Variants in GOLIM4 observed in about 807,000 individuals in gnomAD.
The protein encoded by GOLIM4 is golgi integral membrane protein 4.
In GOLIM4, 71 loss-of-function variants were observed where a neutral mutation model predicts 107.4. The ratio of observed to expected loss-of-function variants is 0.66; its 90% CI spans 0.55 to 0.81. The LOEUF is 0.81. GOLIM4 is among the 30% of genes least tolerant of loss of function. The pLI, the probability that GOLIM4 is intolerant of heterozygous loss-of-function variation, is 0.00. For missense variants in GOLIM4, 830 were observed against 826.1 expected (o/e 1.00, Z -0.06); for synonymous variants, 327 against 294.8 (o/e 1.11, Z -1.12).
chr3:168,069,509 A>C (rs1720732282), intron 1 of GOLIM4, among the ~76,000 whole-genome samples: 1 of 152,216 alleles, frequency 6.6e-6, no homozygotes, highest in African/African-American at 2.4e-5. Flanking sequence ...TCTAGGAAAA[A>C]AATTAGCAGA....
chr3:168,025,910 T>C (rs1717970342), intron 12 of GOLIM4, among the ~76,000 whole-genome samples: 1 of 152,212 alleles, frequency 6.6e-6, no homozygotes, highest in Admixed American at 6.5e-5. Flanking sequence ...AATAAAGATT[T>C]AGATTTTAGA....
In GOLIM4 at chr3:168,010,216, G is replaced by C. The variant is rs943334244; in HGVS notation, c.*53C>G. 4.6e-6 allele frequency: 7 copies of C among 1,521,646 alleles called. No individual in the cohort carries two copies. In the African/African-American group the frequency reaches 8.3e-5, roughly 18 times the overall value. The allele number at this position is 1,521,646 out of a possible 1,614,324, so 94.3% of individuals were successfully genotyped here. On this transcript the variant is annotated 3_prime_UTR_variant, in exon 16 of 16. Coordinates refer to ENST00000470487, the MANE Select transcript of GOLIM4 (RefSeq NM_014498.5). ...GAGTTCAGTAGGCAGATTTATGTTTGAGCAGCTTGAAAAGAATCCGTTGGC... is the reference window on the plus strand; with the variant it reads ...GAGTTCAGTAGGCAGATTTATGTTTCAGCAGCTTGAAAAGAATCCGTTGGC...
At chr3:168,067,239 C>G (rs1720597501) in intron 1 of GOLIM4, among the ~76,000 whole-genome samples, 1 of 151,938 alleles carries the variant, frequency 6.6e-6, no homozygotes, top group Non-Finnish European at 1.5e-5. Flanking sequence ...GGAATAAAAA[C>G]TACCATACTT....
intron 11 of GOLIM4, 57 bp downstream of exon 11, chr3:168,029,166 T>C: frequency 9.2e-7 from 1 of 1,091,900 alleles, no homozygotes; most frequent in Admixed American, 1.7e-5. Context: ...TCACTGATAA[T>C]ATACAATGTT....
intron 1 of GOLIM4, among the ~76,000 whole-genome samples, chr3:168,049,922 C>T (rs1719518142): frequency 6.6e-6 from 1 of 152,166 alleles, no homozygotes; most frequent in South Asian, 2.1e-4. Context: ...ACGATAGACC[C>T]TACCTCTATT....
chr3:168,087,236 A>G (rs565864700), intron 1 of GOLIM4, among the ~76,000 whole-genome samples: 1 of 152,336 alleles, frequency 6.6e-6, no homozygotes, highest in South Asian at 2.1e-4. Flanking sequence ...AATCTGATTT[A>G]CATAGCATTA....
chr3:168,089,320 C>G (rs1014293919), intron 1 of GOLIM4, among the ~76,000 whole-genome samples: 2 of 152,208 alleles, frequency 1.3e-5, no homozygotes, highest in Non-Finnish European at 2.9e-5. Flanking sequence ...TAACGCTGCA[C>G]TTGAAAATTA....
intron 9 of GOLIM4, among the ~76,000 whole-genome samples, chr3:168,031,920 A>G (rs1718357170): frequency 1.3e-5 from 2 of 152,224 alleles, no homozygotes; most frequent in South Asian, 4.1e-4. Context: ...AGCATCATTT[A>G]TAATAATCCT....
intron 1 of GOLIM4, among the ~76,000 whole-genome samples, chr3:168,056,912 G>C (rs1474240879): frequency 3.3e-5 from 5 of 152,146 alleles, no homozygotes; most frequent in African/African-American, 1.2e-4. Flanking sequence ...ATAAGACTTT[G>C]GGGGACTGTC....
At chr3:168,073,932 TA>T (rs1262307976) in intron 1 of GOLIM4, among the ~76,000 whole-genome samples, 1 of 152,102 alleles carries the variant, frequency 6.6e-6, no homozygotes, top group Non-Finnish European at 1.5e-5. Context: ...CATGGTACCA[TA>T]ATGGGGCTGG....
chr3:168,040,111 C>T (rs533451761), intron 7 of GOLIM4, among the ~76,000 whole-genome samples: 1 of 152,112 alleles, frequency 6.6e-6, no homozygotes, highest in Non-Finnish European at 1.5e-5. Flanking sequence ...CTAAACTAGC[C>T]ATTCCTGTTT....
At chr3:168,042,295 ATGCCCCAGCAATGCAG>A (rs991925914) in intron 5 of GOLIM4, among the ~76,000 whole-genome samples, 2 of 151,888 alleles carry the variant, frequency 1.3e-5, no homozygotes, top group Non-Finnish European at 2.9e-5. Context: ...GTGCAGTGCA[ATGCCCCAGCAATGCAG>A]TGCCCCAGCA....
intron 14 of GOLIM4, among the ~76,000 whole-genome samples, chr3:168,016,328 A>C (rs1360010839): frequency 7.4e-6 from 1 of 134,518 alleles, no homozygotes; most frequent in Non-Finnish European, 1.5e-5. Context: ...AATGCAAATC[A>C]AAACCACAAT....
intron 1 of GOLIM4, among the ~76,000 whole-genome samples, chr3:168,076,354 T>G (rs1721083787): frequency 6.6e-6 from 1 of 152,212 alleles, no homozygotes; most frequent in Admixed American, 6.5e-5. Flanking sequence ...TTTTTGTTTG[T>G]TTGTTTTGTT....
chr3:168,042,147 AG>A (rs1404134510), intron 5 of GOLIM4, among the ~76,000 whole-genome samples: 5 of 152,292 alleles, frequency 3.3e-5, no homozygotes, highest in African/African-American at 1.2e-4. Flanking sequence ...ACAGTGAACT[AG>A]ACTACAAACT....
chr3:168,088,565 G>A (rs1262415551), intron 1 of GOLIM4, among the ~76,000 whole-genome samples: 1 of 152,160 alleles, frequency 6.6e-6, no homozygotes, highest in Admixed American at 6.6e-5. Context: ...TGCCTGAGTT[G>A]CACTGAAACC....
At position 168,095,390 on chromosome 3, in the gene GOLIM4, TG is replaced by T. The variant is rs1293286413; in HGVS notation, c.-106del. On this transcript the variant is annotated 5_prime_UTR_variant, in exon 1 of 16. Transcript: ENST00000470487. Reference sequence around the variant, plus strand: ...CCGCAGTAGGTGGCCAGACGCAGCATGAGGAGGAGATGCCAGACACAAAAGC... The same window carrying T: ...CCGCAGTAGGTGGCCAGACGCAGCATAGGAGGAGATGCCAGACACAAAAGC... 1.1e-6 allele frequency: 1 copy of T among 919,692 alleles called. No homozygotes were observed. Among genetic ancestry groups the T allele is most frequent in the Non-Finnish European group, 1.7e-6 (1 of 605,302 alleles). The allele number at this position is 919,692 out of a possible 1,614,324, so 57.0% of individuals were successfully genotyped here.
chr3:168,087,211 A>G (rs760631910), intron 1 of GOLIM4, among the ~76,000 whole-genome samples: 1 of 152,158 alleles, frequency 6.6e-6, no homozygotes. Context: ...TTACACCACT[A>G]CTTTATAAAT....
rs745757429 is a variant in GOLIM4 at position 168,043,428 on chromosome 3, T to G, written c.468A>C (p.Lys156Asn). The G allele has an allele frequency of 5.6e-6, 9 of 1,612,206 alleles. No individual in the cohort carries two copies. Among genetic ancestry groups the G allele is most frequent in the Non-Finnish European group, 7.6e-6 (9 of 1,179,120 alleles). Residue 156 changes from lysine to asparagine, a missense_variant, in exon 5 of 16, where the codon AAA (lysine) becomes AAC (asparagine). Transcript: ENST00000470487. The stretch of plus-strand genomic sequence containing the variant: ...CTTTTTCTTGCTGGAGCTGCAAGTA[T>G]TTTTGCTTATGGTCATTAAATGTTC... ...FSRTFNDHKQ[K>N]YLQLQQEKEQ...
Sources: gnomAD v4.1 joint callset for allele counts (sites outside exome capture counted in the v4.1 genomes callset) on GRCh38, gnomAD v4.1.1 for gene constraint, MANE v1.5 for transcripts, NCBI Gene and HGNC (gene_info 2026-07-23, HGNC 2026-07-21) for gene names.